RGS7: variants seen among roughly 807,000 people sequenced by gnomAD.
RGS7 encodes the protein regulator of G protein signaling 7.
A neutral mutation model predicts 81.1 loss-of-function variants in RGS7; 27 were observed. The ratio of observed to expected loss-of-function variants is 0.33; its 90% CI spans 0.25 to 0.46. RGS7 has a LOEUF of 0.46. Ranked by LOEUF, RGS7 falls within the 20% of genes least tolerant of loss-of-function variation. RGS7 has a pLI of 1.00. For synonymous variants in RGS7, 208 were observed against 207.7 expected (o/e 1.00, Z -0.01); for missense variants, 396 against 607.4 (o/e 0.65, Z 3.66).
intron 5 of RGS7, among the ~76,000 whole-genome samples, chr1:240,931,164 T>C (rs1032170398): frequency 6.6e-6 from 1 of 152,238 alleles, no homozygotes; most frequent in Admixed American, 6.5e-5. Flanking sequence ...CTATGAATCA[T>C]GTATTTCAAC....
chr1:240,983,765 C>T (rs755912659), intron 3 of RGS7, among the ~76,000 whole-genome samples: 3 of 152,192 alleles, frequency 2.0e-5, no homozygotes, highest in Non-Finnish European at 4.4e-5. Context: ...TCGTGTTGAT[C>T]ACACACCATT....
At chr1:241,084,749 A>G (rs991029322) in intron 3 of RGS7, among the ~76,000 whole-genome samples, 2 of 152,222 alleles carry the variant, frequency 1.3e-5, no homozygotes, top group Non-Finnish European at 2.9e-5. Flanking sequence ...TCCGTGCCTT[A>G]ATTATCAACA....
At chr1:241,035,328 A>C (rs2060270101) in intron 3 of RGS7, among the ~76,000 whole-genome samples, 1 of 149,608 alleles carries the variant, frequency 6.7e-6, no homozygotes. Context: ...GGGATGCAAA[A>C]TTTCTCCAGG....
intron 7 of RGS7, 130 bp downstream of exon 7, chr1:240,869,925 A>C (rs1490975410): frequency 1.2e-6 from 1 of 842,942 alleles, no homozygotes; most frequent in Admixed American, 1.8e-5. Flanking sequence ...GGGTGACAAG[A>C]GTGAAACTCC....
At chr1:240,871,008 G>A (rs568137020) in intron 6 of RGS7, among the ~76,000 whole-genome samples, 1 of 152,252 alleles carries the variant, frequency 6.6e-6, no homozygotes, top group Admixed American at 6.5e-5. Context: ...GTCCATCTGG[G>A]CAGCAGATTT....
At chr1:241,149,907 C>T (rs959586082) in intron 2 of RGS7, among the ~76,000 whole-genome samples, 3 of 152,110 alleles carry the variant, frequency 2.0e-5, no homozygotes, top group Non-Finnish European at 4.4e-5. Context: ...TCCCGAGTAG[C>T]TGGGATTACG....
intron 3 of RGS7, among the ~76,000 whole-genome samples, chr1:241,003,727 AC>A (rs1423267063): frequency 1.3e-5 from 2 of 152,098 alleles, no homozygotes; most frequent in Non-Finnish European, 2.9e-5. Flanking sequence ...GCAAAGCACT[AC>A]TGGGATCCAC....
At chr1:240,858,389 C>T (rs1025205521) in intron 9 of RGS7, among the ~76,000 whole-genome samples, 5 of 152,184 alleles carry the variant, frequency 3.3e-5, no homozygotes, top group African/African-American at 1.2e-4. Flanking sequence ...GTTCCACATC[C>T]TCACCAGCAT....
chr1:240,849,987 G>A (rs1659812212), intron 9 of RGS7, among the ~76,000 whole-genome samples: 1 of 152,214 alleles, frequency 6.6e-6, no homozygotes, highest in Non-Finnish European at 1.5e-5. Context: ...GGAAGGTGTT[G>A]TGATAAAGAG....
intron 3 of RGS7, among the ~76,000 whole-genome samples, chr1:241,090,592 A>T (rs2063811276): frequency 6.6e-6 from 1 of 152,160 alleles, no homozygotes. Flanking sequence ...ATTTCCATTG[A>T]TGTGTTGCTA....
Position 240,974,540 on chromosome 1 carries a change from C to A in RGS7, c.226+8539G>T, listed in dbSNP as rs117076305. ...GGCTGGAGAGGGTATGTGTCCTCTGCCATTATGTTGCTTAGATTCAACTGA... is the reference window on the plus strand; with the variant it reads ...GGCTGGAGAGGGTATGTGTCCTCTGACATTATGTTGCTTAGATTCAACTGA... On this transcript the variant is annotated intron_variant, in intron 4 of 18. Coordinates refer to ENST00000440928, the MANE Select transcript of RGS7 (RefSeq NM_001364886.1). Among the ~76,000 whole-genome samples, 446 of 152,164 alleles carry A rather than the reference C, an allele frequency of 2.9e-3. 9 individuals are homozygous for A. In the East Asian group the frequency reaches 0.052, roughly 18 times the overall value.
intron 2 of RGS7, among the ~76,000 whole-genome samples, chr1:241,229,061 A>T (rs1014155117): frequency 8.3e-5 from 3 of 36,330 alleles, no homozygotes; most frequent in Non-Finnish European, 1.7e-4. Context: ...ATAAAAAATT[A>T]AAAAAAAAAA....
rs189659048 is a variant in RGS7 at position 241,242,798 on chromosome 1, T to A, written c.78+112901A>T. On this transcript the variant is annotated intron_variant, in intron 2 of 18. Coordinates refer to ENST00000440928, the MANE Select transcript of RGS7 (RefSeq NM_001364886.1). ...ACATCTTCTTTTGAGAATTGTCTATTCATGTCCTTAGTTCACTTTTTGATG... is the reference window on the plus strand; with the variant it reads ...ACATCTTCTTTTGAGAATTGTCTATACATGTCCTTAGTTCACTTTTTGATG... 4.5e-3 allele frequency among the ~76,000 whole-genome samples: 691 copies of A among 152,346 alleles called. 5 individuals are homozygous for A. The highest frequency in any genetic ancestry group is 0.016 in the African/African-American group (671 of 41,566).
intron 6 of RGS7, among the ~76,000 whole-genome samples, chr1:240,895,789 T>G (rs1333898920): frequency 6.6e-6 from 1 of 152,174 alleles, no homozygotes; most frequent in Non-Finnish European, 1.5e-5. Context: ...TTATAATCCT[T>G]TAGGTATATA....
chr1:240,783,437 C>T (rs1684463511), intron 18 of RGS7, among the ~76,000 whole-genome samples: 1 of 150,412 alleles, frequency 6.6e-6, no homozygotes, highest in Non-Finnish European at 1.5e-5. Context: ...GCACGGCCAA[C>T]ATGGCAAAAC....
chr1:240,884,144 C>T (rs377632047), intron 6 of RGS7, among the ~76,000 whole-genome samples: 39 of 145,366 alleles, frequency 2.7e-4, no homozygotes, highest in African/African-American at 9.3e-4. Flanking sequence ...TAGTGTTTCT[C>T]AATCAGGGAA....
chr1:241,123,087 A>C, intron 2 of RGS7, among the ~76,000 whole-genome samples: 1 of 152,172 alleles, frequency 6.6e-6, no homozygotes, highest in East Asian at 1.9e-4. Context: ...AGTGCTCAGG[A>C]ACCCTAGAGG....
intron 2 of RGS7, among the ~76,000 whole-genome samples, chr1:241,261,816 C>T (rs1161150374): frequency 6.6e-6 from 1 of 151,856 alleles, no homozygotes; most frequent in Non-Finnish European, 1.5e-5. Flanking sequence ...CTGAAGAAAA[C>T]CATGATGATT....
intron 4 of RGS7, among the ~76,000 whole-genome samples, chr1:240,963,186 G>A (rs1681744462): frequency 6.6e-6 from 1 of 152,066 alleles, no homozygotes; most frequent in South Asian, 2.1e-4. Flanking sequence ...TATTTAGGAG[G>A]CAAAGTCTGC....
Sources: gnomAD v4.1 joint callset for allele counts (sites outside exome capture counted in the v4.1 genomes callset) on GRCh38, gnomAD v4.1.1 for gene constraint, MANE v1.5 for transcripts, NCBI Gene and HGNC (gene_info 2026-07-23, HGNC 2026-07-21) for gene names.